CAMSAP1: variants seen among roughly 807,000 people sequenced by gnomAD.
CAMSAP1 encodes the protein calmodulin regulated spectrin associated protein 1.
A neutral mutation model predicts 143.5 loss-of-function variants in CAMSAP1; 58 were observed. The observed-to-expected ratio is 0.40, with a 90% confidence interval of 0.33 to 0.50. CAMSAP1 has a LOEUF of 0.50. Among genes scored for constraint, CAMSAP1 ranks in the 20% least tolerant of loss-of-function variants. The probability of loss-of-function intolerance (pLI) is 0.45; values close to 1 mark genes in which losing one functional copy is unlikely to be tolerated. For missense variants in CAMSAP1, 1,969 were observed against 2,115.7 expected, an observed-to-expected ratio of 0.93 and a Z score of 1.36; for synonymous variants, 945 against 859.3, an observed-to-expected ratio of 1.10 and a Z score of -1.74.
chr9:135,872,031 G>A (rs1348420597), intron 3 of CAMSAP1, among the ~76,000 whole-genome samples: 3 of 151,938 alleles, frequency 2.0e-5, no homozygotes, highest in Admixed American at 2.0e-4. Context: ...ACCCAGGAGA[G>A]GGAGGCTGCA....
intron 7 of CAMSAP1, among the ~76,000 whole-genome samples, chr9:135,844,683 G>A (rs1836487408): frequency 6.6e-6 from 1 of 152,068 alleles, no homozygotes; most frequent in South Asian, 2.1e-4. Flanking sequence ...TGATAAAGGG[G>A]ATATCATCAT....
intron 3 of CAMSAP1, among the ~76,000 whole-genome samples, chr9:135,871,182 T>C (rs1402225784): frequency 6.6e-6 from 1 of 152,170 alleles, no homozygotes. Context: ...ATAACTGCCA[T>C]CTTCCTTATT....
intron 7 of CAMSAP1, among the ~76,000 whole-genome samples, chr9:135,845,860 T>C (rs1836529076): frequency 6.6e-6 from 1 of 151,678 alleles, no homozygotes; most frequent in Non-Finnish European, 1.5e-5. Context: ...CTCAAAGAAA[T>C]AAGAGAGGAA....
intron 3 of CAMSAP1, among the ~76,000 whole-genome samples, chr9:135,870,945 T>G (rs970732140): frequency 1.3e-5 from 2 of 152,238 alleles, no homozygotes; most frequent in Non-Finnish European, 2.9e-5. Context: ...TTTGAGAAAC[T>G]ATTGTTTGTC....
In CAMSAP1 at chr9:135,822,683, T is replaced by C. The variant is rs1164164143; in HGVS notation, c.1978A>G (p.Met660Val). ...FTPIPCSEFP[M>V]GIDPTETGPL... ...CCTGTCTCGGTGGGGTCGATGCCCATGGGGAATTCTGAGCATGGAATCGGG... is the reference window on the plus strand; with the variant it reads ...CCTGTCTCGGTGGGGTCGATGCCCACGGGGAATTCTGAGCATGGAATCGGG... The change falls in exon 11 of 17, where the codon ATG becomes GTG. Residue 660 changes from methionine (M) to valine (V), a missense_variant. Transcript: ENST00000389532. This position sits in a 1 kb window ranked among gnomAD's most constrained non-coding sequence, Gnocchi z 6.1. The C allele has an allele frequency of 3.1e-6, 5 of 1,608,954 alleles. No individual in the cohort carries two copies. In the African/African-American group the frequency reaches 4.0e-5, roughly 13 times the overall value.
intron 1 of CAMSAP1, among the ~76,000 whole-genome samples, chr9:135,890,722 C>A (rs1183607232): frequency 6.6e-6 from 1 of 152,200 alleles, no homozygotes; most frequent in Non-Finnish European, 1.5e-5. Flanking sequence ...CCGCTGGAAG[C>A]CAACGGAAAC....
Position 135,821,020 on chromosome 9 carries a change from T to A in CAMSAP1, c.3641A>T (p.Asp1214Val), listed in dbSNP as rs948358453. The A allele has an allele frequency of 5.6e-6, 9 of 1,613,690 alleles. No homozygotes were observed. The highest frequency in any genetic ancestry group is 7.6e-6 in the Non-Finnish European group (9 of 1,179,662). ...SVKEVGSSSS[D>V]VSGKESVPVE... The stretch of plus-strand genomic sequence containing the variant: ...GGGGACGCTCTCTTTTCCCGAGACA[T>A]CTGAGGAGCTGGACCCCACCTCCTT... Residue 1214 changes from aspartate (D) to valine (V), a missense_variant, in exon 11 of 17, where the codon GAT becomes GTT. This residue lies in a region of CAMSAP1 where 1,390 missense variants were observed against 1,420.8 expected (regional missense o/e 0.98). Transcript: ENST00000389532. The surrounding 1 kb of genome is among the most constrained non-coding windows in gnomAD (Gnocchi z 4.6).
At chr9:135,861,657 T>C (rs989255391) in intron 5 of CAMSAP1, among the ~76,000 whole-genome samples, 1 of 152,242 alleles carries the variant, frequency 6.6e-6, no homozygotes, top group Non-Finnish European at 1.5e-5. Context: ...TAAGAAACTA[T>C]ATTTTCTAGC....
intron 1 of CAMSAP1, 25 bp from the exon 2 acceptor site, chr9:135,883,103 G>A: frequency 6.4e-7 from 1 of 1,550,464 alleles, no homozygotes; most frequent in African/African-American, 1.4e-5. Context: ...GGATGACCAG[G>A]TGAGTGCCAC....
Position 135,826,508 on chromosome 9 carries a change from T to A in CAMSAP1, c.1223+899A>T, listed in dbSNP as rs188596063. On this transcript the variant is annotated intron_variant, in intron 8 of 16. Transcript: ENST00000389532. This position sits in a 1 kb window ranked among gnomAD's most constrained non-coding sequence, Gnocchi z 4.4. The stretch of plus-strand genomic sequence containing the variant: ...CAAGGGCCTCTCAACTCCTTCCTCC[T>A]GACTCCGGCAGCCCCCGCATCCCAT... 6.5e-6 allele frequency: 1 copy of A among 152,812 alleles called. No homozygotes were observed. The highest frequency in any genetic ancestry group is 2.4e-5 in the African/African-American group (1 of 41,410). The allele number at this position is 152,812 out of a possible 1,614,324, so 9.5% of individuals were successfully genotyped here.
At chr9:135,857,817 G>A (rs372737900) in intron 5 of CAMSAP1, among the ~76,000 whole-genome samples, 9 of 152,196 alleles carry the variant, frequency 5.9e-5, no homozygotes, top group African/African-American at 2.2e-4. Context: ...GGTGCACCAG[G>A]AGGAGAACCA....
At chr9:135,883,195 G>A (rs1431558466) in intron 1 of CAMSAP1, 117 bp from the exon 2 acceptor site, 10 of 1,105,582 alleles carry the variant, frequency 9.0e-6, no homozygotes, top group African/African-American at 1.6e-5. Flanking sequence ...AACACAGGGA[G>A]ACCAAGTGTC....
At chr9:135,835,774 T>C (rs1202200883) in intron 7 of CAMSAP1, among the ~76,000 whole-genome samples, 3 of 151,874 alleles carry the variant, frequency 2.0e-5, no homozygotes, top group African/African-American at 7.3e-5. Flanking sequence ...AAGTCAGGAG[T>C]TCTAGACCAG....
chr9:135,847,613 C>T (rs983246004), intron 7 of CAMSAP1, among the ~76,000 whole-genome samples: 2 of 150,008 alleles, frequency 1.3e-5, no homozygotes, highest in Non-Finnish European at 3.0e-5. Flanking sequence ...GAACAGAAAA[C>T]CAAACACCGC....
chr9:135,843,153 C>A (rs1836421787), intron 7 of CAMSAP1, among the ~76,000 whole-genome samples: 1 of 151,912 alleles, frequency 6.6e-6, no homozygotes, highest in Non-Finnish European at 1.5e-5. Flanking sequence ...CATGGAGAAA[C>A]CCCGTCTCTA....
intron 1 of CAMSAP1, among the ~76,000 whole-genome samples, chr9:135,895,771 G>T (rs532707772): frequency 1.3e-5 from 2 of 152,118 alleles, no homozygotes; most frequent in African/African-American, 4.8e-5. Context: ...CGGCTAAATG[G>T]AAAAAAGGTT....
chr9:135,866,239 T>C (rs1837375008), intron 4 of CAMSAP1: 1 of 517,654 alleles, frequency 1.9e-6, no homozygotes, highest in Admixed American at 3.2e-5. Flanking sequence ...TAAAGTGCAA[T>C]ACAAAACACC....
At chr9:135,819,293 C>G in intron 11 of CAMSAP1, 147 bp from the exon 12 acceptor site, 2 of 1,164,540 alleles carry the variant, frequency 1.7e-6, no homozygotes, top group African/African-American at 1.6e-5. Flanking sequence ...GTTACAGACT[C>G]TGAAATACGA....
rs1231858041 is a variant in CAMSAP1 at position 135,824,432 on chromosome 9, C to T, written c.1315+357G>A. ...CTGTAATTCCAGCACTCTGGGAGGC[C>T]GAGGTGGGCAGATCATGAGGCTAGG... On this transcript the variant is annotated intron_variant, in intron 9 of 16. Coordinates refer to ENST00000389532, the MANE Select transcript of CAMSAP1 (RefSeq NM_015447.4). The surrounding 1 kb of genome is among the most constrained non-coding windows in gnomAD (Gnocchi z 4.1). Among the ~76,000 whole-genome samples the T allele has an allele frequency of 2.6e-5, 4 of 152,124 alleles. No homozygotes were observed. Among genetic ancestry groups the T allele is most frequent in the South Asian group, 2.1e-4 (1 of 4,828 alleles).
Sources: allele counts gnomAD v4.1 joint callset (sites outside exome capture counted in the v4.1 genomes callset), GRCh38; gene constraint gnomAD v4.1.1; regional missense constraint gnomAD v4.1.1; non-coding constraint Gnocchi (gnomAD v3.1); transcripts MANE v1.5; gene names NCBI Gene and HGNC (gene_info 2026-07-23, HGNC 2026-07-21).